The following DYM variants were observed in gnomAD, a reference collection of about 807,000 sequenced individuals.
The protein encoded by DYM is dymeclin, also known as dyggve-Melchior-Clausen syndrome protein.
Under a neutral mutation model 93.1 loss-of-function variants are expected in DYM, and 78 were observed. The ratio of observed to expected loss-of-function variants is 0.84; its 90% confidence interval spans 0.70 to 1.01. The LOEUF (loss-of-function observed/expected upper bound fraction) is 1.01. DYM is among the 50% of genes least tolerant of loss of function. The pLI is 0.00. For missense variants in DYM, 789 were observed against 845.0 expected (o/e 0.93, Z 0.82); for synonymous variants, 321 against 319.7 (o/e 1.00, Z -0.04).
At chr18:49,444,270 C>G (rs780784376) in intron 1 of DYM, among the ~76,000 whole-genome samples, 8 of 152,134 alleles carry the variant, frequency 5.3e-5, no homozygotes, top group Non-Finnish European at 1.0e-4. Flanking sequence ...TATCCTGACG[C>G]GTCCTGCCAC....
intron 14 of DYM, among the ~76,000 whole-genome samples, chr18:49,173,957 A>T (rs1324323980): frequency 1.3e-5 from 2 of 152,112 alleles, no homozygotes; most frequent in Non-Finnish European, 2.9e-5. Flanking sequence ...ATCATTTTTC[A>T]CTAAGTATGA....
Position 49,043,935 on chromosome 18 carries a change from G to T in DYM, c.*120C>A. The T allele has an allele frequency of 8.2e-7, 1 of 1,215,322 alleles. No homozygotes were observed. The highest frequency in any genetic ancestry group is 1.2e-6 in the Non-Finnish European group (1 of 851,334). The allele number at this position is 1,215,322 out of a possible 1,614,324, so 75.3% of individuals were successfully genotyped here. A position where few individuals can be genotyped will look rare whatever the true frequency, so the allele number is the denominator to read the frequency against. On this transcript the variant is annotated 3_prime_UTR_variant, in exon 18 of 18. Coordinates refer to ENST00000675505, the MANE Select transcript of DYM (RefSeq NM_001353214.3). ...AAGTGTGTGAGGAAAACACACTCGT[G>T]CAATCCTCTTTAACAGAAGATACAC...
chr18:49,215,934 G>A (rs1004995932), intron 13 of DYM, among the ~76,000 whole-genome samples: 2 of 152,114 alleles, frequency 1.3e-5, no homozygotes, highest in Non-Finnish European at 1.5e-5. Flanking sequence ...TGCGGGAGCC[G>A]AAGCAGGGCG....
chr18:49,231,942 T>C (rs1397810563), intron 13 of DYM, among the ~76,000 whole-genome samples: 1 of 152,212 alleles, frequency 6.6e-6, no homozygotes, highest in East Asian at 1.9e-4. Flanking sequence ...GGAACACAGG[T>C]TGGAGACAAG....
At chr18:49,301,926 C>T (rs1429893379) in intron 8 of DYM, among the ~76,000 whole-genome samples, 2 of 152,188 alleles carry the variant, frequency 1.3e-5, no homozygotes, top group Non-Finnish European at 2.9e-5. Context: ...GCACCCTCTC[C>T]TTCCTTCTCT....
At chr18:49,214,163 C>A (rs1033236149) in intron 13 of DYM, among the ~76,000 whole-genome samples, 4 of 152,166 alleles carry the variant, frequency 2.6e-5, no homozygotes, top group African/African-American at 9.7e-5. Context: ...TTCCCATCCC[C>A]CATTCTGAAG....
chr18:49,383,945 C>T (rs1311704492), intron 3 of DYM, among the ~76,000 whole-genome samples: 1 of 150,094 alleles, frequency 6.7e-6, no homozygotes, highest in Non-Finnish European at 1.5e-5. Context: ...AATTTTAATA[C>T]ACAGCAATCA....
At chr18:49,243,167 G>A (rs527553877) in intron 13 of DYM, among the ~76,000 whole-genome samples, 10 of 152,084 alleles carry the variant, frequency 6.6e-5, no homozygotes, top group Non-Finnish European at 1.3e-4. Flanking sequence ...TCAGGTGAGC[G>A]GGCTGCCTTC....
At chr18:49,301,598 T>C (rs1462557735) in intron 8 of DYM, among the ~76,000 whole-genome samples, 1 of 150,832 alleles carries the variant, frequency 6.6e-6, no homozygotes, top group Non-Finnish European at 1.5e-5. Context: ...ATGTGAAATA[T>C]GCAAATAGGA....
At chr18:49,209,798 G>A in intron 13 of DYM, 83 bp from the exon 14 acceptor site, 1 of 958,636 alleles carries the variant, frequency 1.0e-6, no homozygotes, top group South Asian at 2.3e-5. Flanking sequence ...TGTCCTCAAA[G>A]CTTTCTGTGT....
At chr18:49,287,022 C>A (rs1366454316) in intron 8 of DYM, among the ~76,000 whole-genome samples, 1 of 152,116 alleles carries the variant, frequency 6.6e-6, no homozygotes, top group Non-Finnish European at 1.5e-5. Flanking sequence ...GAAACCCCAT[C>A]TCTACTAAAA....
chr18:49,247,727 T>C (rs1419619901), intron 13 of DYM, among the ~76,000 whole-genome samples: 5 of 152,216 alleles, frequency 3.3e-5, no homozygotes. Context: ...TGAAGTTTTC[T>C]TGTGTCCCAT....
intron 5 of DYM, among the ~76,000 whole-genome samples, chr18:49,377,707 T>C (rs973882998): frequency 6.6e-6 from 1 of 152,240 alleles, no homozygotes; most frequent in African/African-American, 2.4e-5. Flanking sequence ...TTTCCCTTTG[T>C]CAATATTTGA....
At chr18:49,117,222 T>C (rs752825956) in intron 16 of DYM, among the ~76,000 whole-genome samples, 1 of 152,250 alleles carries the variant, frequency 6.6e-6, no homozygotes, top group Non-Finnish European at 1.5e-5. Flanking sequence ...AGAGTGTCCA[T>C]GGCAAAATAT....
At chr18:49,273,407 T>G (rs926377585) in intron 10 of DYM, among the ~76,000 whole-genome samples, 4 of 152,212 alleles carry the variant, frequency 2.6e-5, no homozygotes, top group African/African-American at 9.6e-5. Context: ...CTAGTAAGCA[T>G]AGTTACATTT....
At chr18:49,380,262 T>A (rs981245931) in intron 3 of DYM, among the ~76,000 whole-genome samples, 2 of 152,190 alleles carry the variant, frequency 1.3e-5, no homozygotes, top group African/African-American at 4.8e-5. Context: ...GACAAAACTT[T>A]AAAGAATTTT....
rs1156572623 is a variant in DYM, at chr18:49,062,920, A to G, written c.2026-18716T>C. On this transcript the variant is annotated intron_variant, in intron 17 of 17. Coordinates refer to ENST00000675505, the MANE Select transcript of DYM (RefSeq NM_001353214.3). ...GAAGGAGATTATAATCCACCTGGAA[A>G]GCCAATGAGGCAATACCCCTTAATC... 2.0e-5 allele frequency among the ~76,000 whole-genome samples: 3 copies of G among 152,222 alleles called. No homozygotes were observed. The East Asian group carries it at 5.8e-4, about 29-fold the overall frequency.
At chr18:49,339,270 A>T (rs2063903878) in intron 6 of DYM, among the ~76,000 whole-genome samples, 1 of 152,180 alleles carries the variant, frequency 6.6e-6, no homozygotes, top group Non-Finnish European at 1.5e-5. Context: ...GCCAAAGAAA[A>T]ATCCACAGAG....
At chr18:49,168,998 C>T (rs893275148) in intron 14 of DYM, among the ~76,000 whole-genome samples, 4 of 152,104 alleles carry the variant, frequency 2.6e-5, no homozygotes, top group Non-Finnish European at 5.9e-5. Context: ...GCCGGTAAGA[C>T]AAGAGGGGCC....
Sources: allele counts gnomAD v4.1 joint callset (sites outside exome capture counted in the v4.1 genomes callset), GRCh38; gene constraint gnomAD v4.1.1; transcripts MANE v1.5; gene names NCBI Gene and HGNC (gene_info 2026-07-23, HGNC 2026-07-21).